The following OXNAD1 variants were observed in gnomAD, a reference collection of about 807,000 sequenced individuals.
OXNAD1 encodes the protein oxidoreductase NAD binding domain containing 1.
Under a neutral mutation model 32.9 loss-of-function variants are expected in OXNAD1, and 34 were observed. That is an observed-to-expected ratio of 1.03 (90% CI 0.79 to 1.38). The LOEUF (loss-of-function observed/expected upper bound fraction) is 1.38. Ranked by LOEUF, OXNAD1 falls within the 40% of genes most tolerant of loss-of-function variation. The pLI is 0.00. For missense variants in OXNAD1, 407 were observed against 379.4 expected (o/e 1.07, Z -0.60); for synonymous variants, 134 against 135.2 (o/e 0.99, Z 0.06).
At position 16,288,908 on chromosome 3, in the gene OXNAD1, C is replaced by T. The variant is rs2066248077; in HGVS notation, c.290+2460C>T. ...TCTAGATTCACATTTGGCTGTGGTG[C>T]TCACTGCCTGCCTCTGGCATTGGTT... is the stretch of plus-strand genomic sequence containing the variant. On this transcript the variant is annotated intron_variant, in intron 5 of 8. Coordinates refer to ENST00000285083, the MANE Select transcript of OXNAD1 (RefSeq NM_138381.5). The surrounding 1 kb of genome is among the most constrained non-coding windows in gnomAD (Gnocchi z 5.1). 6.6e-6 allele frequency among the ~76,000 whole-genome samples: 1 copy of T among 152,190 alleles called. No individual in the cohort carries two copies. The highest frequency in any genetic ancestry group is 1.5e-5 in the Non-Finnish European group (1 of 68,022).
At chr3:16,313,009 C>T (rs2068074797) in intron 9 of OXNAD1, among the ~76,000 whole-genome samples, 2 of 149,600 alleles carry the variant, frequency 1.3e-5, no homozygotes, top group South Asian at 2.1e-4. Context: ...CTCAGTGGCT[C>T]ACCTTAGCAA....
intron 9 of OXNAD1, among the ~76,000 whole-genome samples, chr3:16,313,204 G>GTTTTTTTTTTTTTT (rs2068092292): frequency 4.2e-5 from 4 of 96,168 alleles, no homozygotes; most frequent in Admixed American, 9.4e-5. Context: ...ACACCCAGCG[G>GTTTTTTTTTTTTTT]ATTTTTTTTT....
chr3:16,272,090 CTTTTT>C, intron 4 of OXNAD1: 17 of 373,304 alleles, frequency 4.6e-5, no homozygotes, highest in Admixed American at 1.6e-4. Flanking sequence ...TGTGTGGGGT[CTTTTT>C]TTTTTTTTTG....
chr3:16,273,384 G>T (rs922977046), intron 4 of OXNAD1, among the ~76,000 whole-genome samples: 65 of 120,986 alleles, frequency 5.4e-4, no homozygotes, highest in Admixed American at 3.0e-3. Flanking sequence ...GTATTTTCTT[G>T]TTTTTTTTTT....
In OXNAD1 at chr3:16,302,612, G is replaced by A. The variant is rs760914838; in HGVS notation, c.676-28G>A. 18 of 1,508,184 alleles carry A rather than the reference G, an allele frequency of 1.2e-5. No homozygotes were observed. The highest frequency in any genetic ancestry group is 1.4e-5 in the Non-Finnish European group (15 of 1,091,478). The allele number at this position is 1,508,184 out of a possible 1,614,324, so 93.4% of individuals were successfully genotyped here. ...TCTGTTTTGATTTTTTAAAATTGTA[G>A]TGTGACCAAATATGTTTGACATTCC... On this transcript the variant is annotated intron_variant, in intron 7 of 8. Coordinates refer to ENST00000285083, the MANE Select transcript of OXNAD1 (RefSeq NM_138381.5). The surrounding 1 kb of genome is among the most constrained non-coding windows in gnomAD (Gnocchi z 4.2).
chr3:16,286,879 T>C (rs577911951), intron 5 of OXNAD1, among the ~76,000 whole-genome samples: 3 of 152,338 alleles, frequency 2.0e-5, no homozygotes, highest in Non-Finnish European at 4.4e-5. Context: ...CAAAGTATCC[T>C]GAAGAGAAGA....
rs549458159 is a variant in OXNAD1 at position 16,302,726 on chromosome 3, G to A, written c.762G>A (p.Ala254=). The A allele has an allele frequency of 7.4e-6, 12 of 1,612,186 alleles. No individual in the cohort carries two copies. Among genetic ancestry groups the A allele is most frequent in the Middle Eastern group, 1.7e-4 (1 of 6,058 alleles). Residue 254 remains alanine (A), a synonymous_variant, in exon 8 of 9, where the codon GCG becomes GCA. Coordinates refer to ENST00000285083, the MANE Select transcript of OXNAD1 (RefSeq NM_138381.5). The surrounding 1 kb of genome is among the most constrained non-coding windows in gnomAD (Gnocchi z 4.2). The part of the protein sequence containing the change: ...HVTKQTTQIN[A]ELKPYITEGR... ...CAAAACAGACTACACAAATCAATGC[G>A]GAACTCAAGCCATACATCACGGGTG...
In OXNAD1 at chr3:16,271,770, A is replaced by G; in HGVS notation, c.183+48A>G. 6.6e-7 allele frequency: 1 copy of G among 1,515,632 alleles called. No homozygotes were observed. The highest frequency in any genetic ancestry group is 2.3e-5 in the East Asian group (1 of 43,854). 93.9% of individuals were successfully genotyped at this position (1,515,632 alleles called of 1,614,324 possible). ...AGGTTTTTCCAGCTAGACCGTTTAC[A>G]TGTGGTTATGACTGGCTTATGGGTA... On this transcript the variant is annotated intron_variant, in intron 4 of 8. Coordinates refer to ENST00000285083, the MANE Select transcript of OXNAD1 (RefSeq NM_138381.5). This position sits in a 1 kb window ranked among gnomAD's most constrained non-coding sequence, Gnocchi z 4.6.
In OXNAD1 at chr3:16,336,801, T is replaced by C. The variant is rs530853098; in HGVS notation, c.*31-311T>C. Among the ~76,000 whole-genome samples, 50 of 152,314 alleles carry C rather than the reference T, an allele frequency of 3.3e-4. No homozygotes were observed. The highest frequency in any genetic ancestry group is 1.2e-3 in the African/African-American group (50 of 41,572). ...GAATTCACATCTTTGTCTCATTTTC[T>C]CTACCAGGTAAGAAAGGCAGCAAAC... On this transcript the variant is annotated intron_variant, in intron 9 of 9. Transcript: ENST00000435829. This position sits in a 1 kb window ranked among gnomAD's most constrained non-coding sequence, Gnocchi z 6.0.
chr3:16,340,612 T>TC (rs1404475496), downstream of OXNAD1, among the ~76,000 whole-genome samples: 1 of 152,226 alleles, frequency 6.6e-6, no homozygotes, highest in African/African-American at 2.4e-5. Flanking sequence ...AAACAAAACA[T>TC]CCAACAAACA....
chr3:16,301,986 T>C lies in OXNAD1; in HGVS notation c.675+118T>C. The stretch of plus-strand genomic sequence containing the variant: ...GGTTCAAACAAAAGGCTTGGCAAGA[T>C]TTAATCATGCTTAAATGAGAACTAA... On this transcript the variant is annotated intron_variant, in intron 7 of 8. Transcript: ENST00000285083. This position sits in a 1 kb window ranked among gnomAD's most constrained non-coding sequence, Gnocchi z 4.1. The C allele has an allele frequency of 1.5e-6, 2 of 1,328,354 alleles. No individual in the cohort carries two copies. Among genetic ancestry groups the C allele is most frequent in the Non-Finnish European group, 2.0e-6 (2 of 978,914 alleles). 82.3% of individuals were successfully genotyped at this position (1,328,354 alleles called of 1,614,324 possible).
At chr3:16,330,570 T>A (rs1371719772) in intron 9 of OXNAD1, among the ~76,000 whole-genome samples, 2 of 152,220 alleles carry the variant, frequency 1.3e-5, no homozygotes, top group African/African-American at 4.8e-5. Context: ...TTTCTCTGAG[T>A]AGGAGCAAAA....
intron 1 of OXNAD1, among the ~76,000 whole-genome samples, chr3:16,266,346 T>TA (rs2064498552): frequency 6.6e-6 from 1 of 152,140 alleles, no homozygotes; most frequent in Admixed American, 6.5e-5. Context: ...AACATTACAA[T>TA]GACTACTAAA....
At position 16,346,289 on chromosome 3, in the gene OXNAD1, A is replaced by G. The variant is rs540675182; in HGVS notation, c.*31-2887A>G. 4.6e-5 allele frequency: 7 copies of G among 152,328 alleles called. No individual in the cohort carries two copies. In the South Asian group the frequency reaches 1.4e-3, roughly 32 times the overall value. The allele number at this position is 152,328 out of a possible 1,614,324, so 9.4% of individuals were successfully genotyped here. On this transcript the variant is annotated intron_variant, in intron 9 of 9. Coordinates refer to the OXNAD1 transcript ENST00000606098. This position sits in a 1 kb window ranked among gnomAD's most constrained non-coding sequence, Gnocchi z 4.4. ...GTGGCTGACACACAGTAGGAACTCA[A>G]TATTTATTTGTTGGATAAATTTTTA...
In OXNAD1 at chr3:16,297,284, T is replaced by C. The variant is rs937847108; in HGVS notation, c.432+2287T>C. Among the ~76,000 whole-genome samples, 3 of 152,172 alleles carry C rather than the reference T, an allele frequency of 2.0e-5. No individual in the cohort carries two copies. Among genetic ancestry groups the C allele is most frequent in the African/African-American group, 7.2e-5 (3 of 41,442 alleles). On this transcript the variant is annotated intron_variant, in intron 6 of 8. Transcript: ENST00000285083. This position sits in a 1 kb window ranked among gnomAD's most constrained non-coding sequence, Gnocchi z 4.3. ...GGGAAATGTAAATTAAAACCATATG[T>C]GGTGGGATGCCACTACGATCTAGTC...
chr3:16,293,416 T>G (rs1056677530), intron 5 of OXNAD1, among the ~76,000 whole-genome samples: 6 of 152,226 alleles, frequency 3.9e-5, no homozygotes, highest in African/African-American at 1.2e-4. Flanking sequence ...TAATATCTTT[T>G]TAGTGAATAC....
At position 16,297,372 on chromosome 3, in the gene OXNAD1, A is replaced by G. The variant is rs2066872013; in HGVS notation, c.432+2375A>G. ...TTGGCAAGGATGTGGAGCAACTGGA[A>G]CTCTCATATATTGCTTATATTGCTA... On this transcript the variant is annotated intron_variant, in intron 6 of 8. Transcript: ENST00000285083. The surrounding 1 kb of genome is among the most constrained non-coding windows in gnomAD (Gnocchi z 4.3). 6.6e-6 allele frequency among the ~76,000 whole-genome samples: 1 copy of G among 152,144 alleles called. No homozygotes were observed. The highest frequency in any genetic ancestry group is 2.4e-5 in the African/African-American group (1 of 41,416).
In OXNAD1 at chr3:16,301,528, T is replaced by C; in HGVS notation, c.433-98T>C. ...AAGCTATAAAAATAGTCTTAAATAC[T>C]GATAATACAGGAGATAGACCCAGTT... is the stretch of plus-strand genomic sequence containing the variant. On this transcript the variant is annotated intron_variant, in intron 6 of 8. Coordinates refer to ENST00000285083, the MANE Select transcript of OXNAD1 (RefSeq NM_138381.5). The surrounding 1 kb of genome is among the most constrained non-coding windows in gnomAD (Gnocchi z 4.1). The C allele has an allele frequency of 7.2e-7, 1 of 1,385,092 alleles. No homozygotes were observed. Among genetic ancestry groups the C allele is most frequent in the South Asian group, 1.4e-5 (1 of 73,056 alleles). 85.8% of individuals were successfully genotyped at this position (1,385,092 alleles called of 1,614,324 possible).
Position 16,271,611 on chromosome 3 carries a change from T to C in OXNAD1, c.120-48T>C, listed in dbSNP as rs2064949078. The C allele has an allele frequency of 2.2e-6, 3 of 1,392,098 alleles. No individual in the cohort carries two copies. The Admixed American group carries it at 6.6e-5, about 31-fold the overall frequency. 86.2% of individuals were successfully genotyped at this position (1,392,098 alleles called of 1,614,324 possible). On this transcript the variant is annotated intron_variant, in intron 3 of 8. Transcript: ENST00000285083. This position sits in a 1 kb window ranked among gnomAD's most constrained non-coding sequence, Gnocchi z 4.6. ...ATTTCAGGAAAAACTAATTTTATTA[T>C]TTTTATGAGGATAATATGTAATAAC...
Sources: allele counts gnomAD v4.1 joint callset (sites outside exome capture counted in the v4.1 genomes callset), GRCh38; gene constraint gnomAD v4.1.1; non-coding constraint Gnocchi (gnomAD v3.1); transcripts MANE v1.5; gene names NCBI Gene and HGNC (gene_info 2026-07-23, HGNC 2026-07-21).